NCAM2: variants seen among roughly 807,000 people sequenced by gnomAD.
NCAM2 encodes N-CAM-2.
Under a neutral mutation model 98.1 loss-of-function variants are expected in NCAM2, and 30 were observed. That is an observed-to-expected ratio of 0.31 (90% CI 0.23 to 0.41). The LOEUF is 0.41. NCAM2 is among the 10% of genes least tolerant of loss of function. The pLI is 1.00. For missense variants in NCAM2, 867 were observed against 1,005.8 expected, an observed-to-expected ratio of 0.86 and a Z score of 1.87; for synonymous variants, 368 against 342.4, an observed-to-expected ratio of 1.07 and a Z score of -0.83.
At chr21:21,466,801 G>A (rs1441609312) in intron 13 of NCAM2, 76 bp downstream of exon 13, 3 of 1,434,568 alleles carry the variant, frequency 2.1e-6, no homozygotes, top group Non-Finnish European at 2.9e-6. Context: ...TTAAAATGTA[G>A]GGAGATGTTT....
chr21:21,284,363 A>T lies in NCAM2; in HGVS notation c.300A>T (p.Gly100=), dbSNP rs199783337. Residue 100 remains glycine (G), a synonymous_variant, in exon 3 of 18, where the codon GGA becomes GGT. Coordinates refer to ENST00000400546, the MANE Select transcript of NCAM2 (RefSeq NM_004540.5). ...IYRCQATDAK[G]QTQEATVVLE... ...GTTGTCAAGCAACAGATGCCAAAGGACAAACACAAGAAGCTACAGTAGTTT... is the reference window on the plus strand; with the variant it reads ...GTTGTCAAGCAACAGATGCCAAAGGTCAAACACAAGAAGCTACAGTAGTTT... 17 of 1,612,650 alleles carry T rather than the reference A, an allele frequency of 1.1e-5. No homozygotes were observed. Among genetic ancestry groups the T allele is most frequent in the Admixed American group, 6.7e-5 (4 of 59,880 alleles).
At chr21:21,429,389 A>G (rs886136229) in intron 11 of NCAM2, among the ~76,000 whole-genome samples, 1 of 152,204 alleles carries the variant, frequency 6.6e-6, no homozygotes, top group Non-Finnish European at 1.5e-5. Context: ...GAGGATAGAT[A>G]ATATCTCCCT....
At chr21:21,005,369 G>A (rs570655565) in intron 1 of NCAM2, among the ~76,000 whole-genome samples, 14 of 152,034 alleles carry the variant, frequency 9.2e-5, no homozygotes, top group Non-Finnish European at 1.2e-4. Context: ...GAAGTTTTAC[G>A]TTTATTTAAC....
At chr21:21,440,344 A>T (rs1979050706) in intron 12 of NCAM2, among the ~76,000 whole-genome samples, 1 of 152,074 alleles carries the variant, frequency 6.6e-6, no homozygotes, top group South Asian at 2.1e-4. Context: ...TTTATTATGA[A>T]ATGTCATTTT....
chr21:21,221,399 TA>T (rs2070148305), intron 1 of NCAM2, among the ~76,000 whole-genome samples: 4 of 206 alleles, frequency 0.019, no homozygotes, highest in Non-Finnish European at 0.04. Context: ...AAAGACAAGA[TA>T]GGGCTGAAAG....
chr21:21,362,867 A>T (rs2075684115), intron 8 of NCAM2, among the ~76,000 whole-genome samples: 2 of 152,160 alleles, frequency 1.3e-5, no homozygotes, highest in African/African-American at 4.8e-5. Context: ...AAAACTAAGG[A>T]TAAAGTTCAG....
At chr21:21,409,120 A>C (rs1173870669) in intron 9 of NCAM2, among the ~76,000 whole-genome samples, 1 of 152,220 alleles carries the variant, frequency 6.6e-6, no homozygotes, top group East Asian at 1.9e-4. Context: ...CTTACTTGAG[A>C]ATTATGCTTT....
chr21:21,513,110 AGT>A (rs757857082), intron 16 of NCAM2, among the ~76,000 whole-genome samples: 15 of 152,090 alleles, frequency 9.9e-5, no homozygotes, highest in South Asian at 8.3e-4. Context: ...TAGGACATCC[AGT>A]ACTACGTTAA....
intron 11 of NCAM2, among the ~76,000 whole-genome samples, chr21:21,419,130 T>C (rs905512153): frequency 2.6e-5 from 4 of 152,124 alleles, no homozygotes; most frequent in Non-Finnish European, 5.9e-5. Flanking sequence ...TACATTTTTA[T>C]AGGTAACAAT....
chr21:21,212,742 CTTTTTTTTTT>C (rs34111265), intron 1 of NCAM2, among the ~76,000 whole-genome samples: 1 of 124,736 alleles, frequency 8.0e-6, no homozygotes, highest in African/African-American at 3.0e-5. Flanking sequence ...ATTATCTGTG[CTTTTTTTTTT>C]TTTTTTTTGA....
intron 15 of NCAM2, among the ~76,000 whole-genome samples, chr21:21,480,960 G>A (rs980334536): frequency 6.6e-6 from 1 of 152,218 alleles, no homozygotes; most frequent in Non-Finnish European, 1.5e-5. Flanking sequence ...TTTAGTATTT[G>A]TTAAATTTGA....
intron 8 of NCAM2, among the ~76,000 whole-genome samples, chr21:21,344,002 T>A (rs910588079): frequency 3.9e-5 from 6 of 152,020 alleles, no homozygotes; most frequent in Non-Finnish European, 7.4e-5. Context: ...TTATTCTGAT[T>A]GACGAGAGGA....
intron 1 of NCAM2, among the ~76,000 whole-genome samples, chr21:21,133,112 T>C (rs908736394): frequency 6.6e-6 from 1 of 152,250 alleles, no homozygotes; most frequent in African/African-American, 2.4e-5. Flanking sequence ...TTTCAATTTT[T>C]ATACAACATT....
At chr21:21,071,968 A>C (rs909095874) in intron 1 of NCAM2, among the ~76,000 whole-genome samples, 1 of 151,822 alleles carries the variant, frequency 6.6e-6, no homozygotes, top group East Asian at 1.9e-4. Flanking sequence ...GCTGGAGTGC[A>C]GTGGCGCGAT....
At chr21:21,029,344 A>G (rs1568943856) in intron 1 of NCAM2, among the ~76,000 whole-genome samples, 1 of 152,156 alleles carries the variant, frequency 6.6e-6, no homozygotes, top group Non-Finnish European at 1.5e-5. Context: ...CTGATGTAAA[A>G]TTCTTGGTTG....
At chr21:21,080,336 G>A (rs1298763776) in intron 1 of NCAM2, among the ~76,000 whole-genome samples, 1 of 152,004 alleles carries the variant, frequency 6.6e-6, no homozygotes, top group Non-Finnish European at 1.5e-5. Context: ...AGACTTCCTG[G>A]TGGGGCATGG....
intron 1 of NCAM2, among the ~76,000 whole-genome samples, chr21:21,145,480 A>G (rs796755636): frequency 1.3e-5 from 2 of 152,182 alleles, no homozygotes; most frequent in Non-Finnish European, 1.5e-5. Flanking sequence ...AAAGTATGCA[A>G]TATGTCTTAT....
At chr21:21,291,538 T>G (rs1200062129) in intron 4 of NCAM2, among the ~76,000 whole-genome samples, 1 of 151,802 alleles carries the variant, frequency 6.6e-6, no homozygotes, top group African/African-American at 2.4e-5. Context: ...TCTAATCTAT[T>G]TATTCCTAAT....
intron 8 of NCAM2, among the ~76,000 whole-genome samples, chr21:21,343,140 A>C (rs2147898096): frequency 6.6e-6 from 1 of 152,324 alleles, no homozygotes; most frequent in Non-Finnish European, 1.5e-5. Flanking sequence ...ATTAAAATAT[A>C]GTGTTCAGTA....
Sources: allele counts gnomAD v4.1 joint callset (sites outside exome capture counted in the v4.1 genomes callset), GRCh38; gene constraint gnomAD v4.1.1; transcripts MANE v1.5; gene names NCBI Gene and HGNC (gene_info 2026-07-23, HGNC 2026-07-21).